Variants in LGALS8 observed in about 807,000 individuals in gnomAD.
LGALS8 encodes the protein galectin-8.
A neutral mutation model predicts 35.9 loss-of-function variants in LGALS8; 30 were observed. The observed-to-expected ratio is 0.83, with a 90% CI of 0.62 to 1.13. The LOEUF is 1.13. Ranked by LOEUF, LGALS8 falls within the 50% of genes most tolerant of loss-of-function variation. The pLI is 0.00. For missense variants in LGALS8, 366 were observed against 388.7 expected, an observed-to-expected ratio of 0.94 and a Z score of 0.49; for synonymous variants, 138 against 136.1, an observed-to-expected ratio of 1.01 and a Z score of -0.10.
Position 236,526,120 on chromosome 1 carries a change from C to G in LGALS8, c.45+5C>G, listed in dbSNP as rs1450750893. ...CAGAATATCATCTATAACCCGGTAACTGATTTCTATAAGATAACTTTTTAC... is the reference window on the plus strand; with the variant it reads ...CAGAATATCATCTATAACCCGGTAAGTGATTTCTATAAGATAACTTTTTAC... On this transcript the variant is annotated splice_donor_5th_base_variant and intron_variant, in intron 2 of 9. Coordinates refer to ENST00000366584, the MANE Select transcript of LGALS8 (RefSeq NM_201544.4). The surrounding 1 kb of genome is among the most constrained non-coding windows in gnomAD (Gnocchi z 4.6). 1.3e-6 allele frequency: 2 copies of G among 1,595,614 alleles called. No homozygotes were observed. The highest frequency in any genetic ancestry group is 1.7e-6 in the Non-Finnish European group (2 of 1,163,762).
chr1:236,532,375 A>G (rs79967701), intron 2 of LGALS8, among the ~76,000 whole-genome samples: 3,784 of 152,092 alleles, frequency 0.025, 149 homozygotes, highest in African/African-American at 0.085. Flanking sequence ...CGATTTCTTT[A>G]TCTACTTTGA....
chr1:236,540,518 T>G (rs759178529), intron 4 of LGALS8, 46 bp from the exon 5 acceptor site: 16 of 1,367,208 alleles, frequency 1.2e-5, no homozygotes, highest in Middle Eastern at 1.9e-4. Flanking sequence ...TTATTAACTG[T>G]TTTTTTTTGG....
At chr1:236,521,249 G>A (rs1660540998), upstream of LGALS8, among the ~76,000 whole-genome samples, 3 of 152,220 alleles carry the variant, frequency 2.0e-5, no homozygotes, top group African/African-American at 7.2e-5. Context: ...GTGTGTATGA[G>A]TGTGTTTTGG....
Position 236,549,162 on chromosome 1 carries a change from A to G in LGALS8, c.*1001A>G, listed in dbSNP as rs1009898337. The G allele has an allele frequency of 1.0e-5, 4 of 395,308 alleles. No homozygotes were observed. Among genetic ancestry groups the G allele is most frequent in the Non-Finnish European group, 4.5e-6 (1 of 224,510 alleles). The allele number at this position is 395,308 out of a possible 1,614,324, so 24.5% of individuals were successfully genotyped here. The stretch of plus-strand genomic sequence containing the variant: ...CTGTTTTGTTCCCATGAAATCACCA[A>G]TCAAGGCCTCCGTTCTTCTAAAGAT... On this transcript the variant is annotated 3_prime_UTR_variant, in exon 10 of 10. Coordinates refer to ENST00000366584, the MANE Select transcript of LGALS8 (RefSeq NM_201544.4).
At position 236,550,753 on chromosome 1, in the gene LGALS8, G is replaced by GGA. The variant is rs1662692789; in HGVS notation, c.*2593_*2594dup. 1.7e-6 allele frequency: 1 copy of GGA among 601,900 alleles called. No individual in the cohort carries two copies. Among genetic ancestry groups the GGA allele is most frequent in the Non-Finnish European group, 2.9e-6 (1 of 350,214 alleles). 37.3% of individuals were successfully genotyped at this position (601,900 alleles called of 1,614,324 possible). On this transcript the variant is annotated 3_prime_UTR_variant, in exon 10 of 10. Transcript: ENST00000366584. ...TTATGTGGCAGCACAAGCCAGGTGG[G>GGA]GATTTTGTAAAGAAGTGATAAAACA...
intron 3 of LGALS8, 63 bp from the exon 4 acceptor site, chr1:236,538,816 G>A (rs1421376379): frequency 2.6e-6 from 3 of 1,145,250 alleles, no homozygotes; most frequent in Non-Finnish European, 4.0e-6. Context: ...GTGCCTGCTG[G>A]TCCTTTACTG....
chr1:236,532,781 T>C (rs1661221092), intron 2 of LGALS8, among the ~76,000 whole-genome samples: 1 of 152,128 alleles, frequency 6.6e-6, no homozygotes, highest in Non-Finnish European at 1.5e-5. Context: ...GAGGCGGAGA[T>C]TGCAGTAAGC....
Position 236,550,777 on chromosome 1 carries a change from C to A in LGALS8, c.*2616C>A. 1 of 698,060 alleles carries A rather than the reference C, an allele frequency of 1.4e-6. No homozygotes were observed. The allele number at this position is 698,060 out of a possible 1,614,324, so 43.2% of individuals were successfully genotyped here. On this transcript the variant is annotated 3_prime_UTR_variant, in exon 10 of 10. Coordinates refer to ENST00000366584, the MANE Select transcript of LGALS8 (RefSeq NM_201544.4). ...GGGATTTTGTAAAGAAGTGATAAAA[C>A]ATTTGTAAGTAATCCAAGTAGGTGT...
At chr1:236,531,362 C>T (rs55954490) in intron 2 of LGALS8, among the ~76,000 whole-genome samples, 12,993 of 152,108 alleles carry the variant, frequency 0.085, 906 homozygotes, top group Middle Eastern at 0.18. Flanking sequence ...CTTGCTCTGT[C>T]GCCCAGGCTG....
intron 6 of LGALS8, among the ~76,000 whole-genome samples, chr1:236,542,030 G>C (rs1242069361): frequency 6.6e-6 from 1 of 152,186 alleles, no homozygotes; most frequent in Admixed American, 6.5e-5. Context: ...ACTTCCATGT[G>C]TATCTTCAAC....
Position 236,550,256 on chromosome 1 carries a change from G to A in LGALS8, c.*2095G>A, listed in dbSNP as rs1803919. 92,617 of 152,006 alleles carry A rather than the reference G, an allele frequency of 0.61. 29,153 individuals carry two copies. The highest frequency in any genetic ancestry group is 0.69 in the Non-Finnish European group (46,953 of 68,012). 9.4% of individuals were successfully genotyped at this position (152,006 alleles called of 1,614,324 possible). A position where few individuals can be genotyped will look rare whatever the true frequency, so the allele number is the denominator to read the frequency against. ...GGGCCCTCTGTGTGAGCAGCCAGGT[G>A]TGAGCTGTTTTAGAAGCAGCGTGTT... On this transcript the variant is annotated 3_prime_UTR_variant, in exon 10 of 10. Coordinates refer to ENST00000366584, the MANE Select transcript of LGALS8 (RefSeq NM_201544.4).
Position 236,551,266 on chromosome 1 carries a change from C to T in LGALS8, c.*3105C>T, listed in dbSNP as rs1348710063. On this transcript the variant is annotated 3_prime_UTR_variant, in exon 10 of 10. Coordinates refer to ENST00000366584, the MANE Select transcript of LGALS8 (RefSeq NM_201544.4). ...GATGCCACCCCTTTAGTAGCTCACA[C>T]CTCCCCCCTCCAAGAGCTAAGAAAC... 2 of 415,742 alleles carry T rather than the reference C, an allele frequency of 4.8e-6. No homozygotes were observed. The highest frequency in any genetic ancestry group is 8.6e-6 in the Non-Finnish European group (2 of 233,548). The allele number at this position is 415,742 out of a possible 1,614,324, so 25.8% of individuals were successfully genotyped here.
intron 3 of LGALS8, among the ~76,000 whole-genome samples, chr1:236,537,961 C>A: frequency 1.2e-5 from 1 of 85,108 alleles, no homozygotes. Context: ...TAAAAATTAA[C>A]TGGCTTGGTG....
At chr1:236,524,205 C>A (rs1180024449) in intron 1 of LGALS8, 144 bp downstream of exon 1, 1 of 456,270 alleles carries the variant, frequency 2.2e-6, no homozygotes, top group Admixed American at 2.4e-5. Flanking sequence ...TCCAGTCCAC[C>A]CCGACCCGCC....
chr1:236,522,904 T>C (rs985506367), upstream of LGALS8: 28 of 152,168 alleles, frequency 1.8e-4, no homozygotes, highest in African/African-American at 6.8e-4. Flanking sequence ...TTGTAATGAA[T>C]TCCTCAATTA....
intron 2 of LGALS8, chr1:236,536,117 AGAG>A (rs1455676937): frequency 6.6e-6 from 1 of 152,288 alleles, no homozygotes; most frequent in Non-Finnish European, 1.5e-5. Flanking sequence ...AAGGCTCCAC[AGAG>A]GAGGCTGTGC....
At chr1:236,531,173 C>G (rs1661119183) in intron 2 of LGALS8, among the ~76,000 whole-genome samples, 1 of 152,018 alleles carries the variant, frequency 6.6e-6, no homozygotes, top group Non-Finnish European at 1.5e-5. Context: ...AGGGCTGTGT[C>G]TTTTTGCGAT....
intron 4 of LGALS8, chr1:236,539,293 G>A: frequency 1.7e-6 from 1 of 572,530 alleles, no homozygotes; most frequent in Non-Finnish European, 3.2e-6. Context: ...TTGTTGCCAT[G>A]CAGAAATATG....
chr1:236,523,829 G>T (rs531191419), upstream of LGALS8: 480 of 344,338 alleles, frequency 1.4e-3, 1 homozygote, highest in Admixed American at 2.3e-3. Flanking sequence ...GATCAGCGGC[G>T]GGTCCCTGTC....
Sources: allele counts gnomAD v4.1 joint callset (sites outside exome capture counted in the v4.1 genomes callset), GRCh38; gene constraint gnomAD v4.1.1; non-coding constraint Gnocchi (gnomAD v3.1); transcripts MANE v1.5; gene names NCBI Gene and HGNC (gene_info 2026-07-23, HGNC 2026-07-21).